Variants in CNNM2 observed in about 807,000 individuals in gnomAD.
CNNM2 encodes the protein cyclin and CBS domain divalent metal cation transport mediator 2.
Under a neutral mutation model 66.9 loss-of-function variants are expected in CNNM2, and 12 were observed. The observed-to-expected ratio is 0.18, with a 90% CI of 0.11 to 0.29. CNNM2 has a LOEUF of 0.29. CNNM2 is among the 10% of genes least tolerant of loss of function. The pLI, the probability that CNNM2 is intolerant of heterozygous loss-of-function variation, is 1.00. For synonymous variants in CNNM2, 557 were observed against 501.8 expected (o/e 1.11, Z -1.47); for missense variants, 705 against 1,167.7 (o/e 0.60, Z 5.77).
intron 1 of CNNM2, among the ~76,000 whole-genome samples, chr10:103,036,029 T>C (rs1257555687): frequency 6.6e-6 from 1 of 152,196 alleles, no homozygotes; most frequent in African/African-American, 2.4e-5. Flanking sequence ...CTTAGTTTAA[T>C]CCTAGTTTTC....
intron 1 of CNNM2, among the ~76,000 whole-genome samples, chr10:103,002,144 G>A (rs2064134121): frequency 6.6e-6 from 1 of 152,168 alleles, no homozygotes; most frequent in Admixed American, 6.5e-5. Context: ...GGACATCACA[G>A]TTAAAAATTT....
At chr10:102,996,574 G>A (rs1389913173) in intron 1 of CNNM2, among the ~76,000 whole-genome samples, 2 of 152,146 alleles carry the variant, frequency 1.3e-5, no homozygotes, top group Non-Finnish European at 1.5e-5. Flanking sequence ...GCATGGTGGC[G>A]CATGCCTGTA....
At chr10:103,020,077 T>C (rs1380324417) in intron 1 of CNNM2, among the ~76,000 whole-genome samples, 1 of 152,204 alleles carries the variant, frequency 6.6e-6, no homozygotes, top group Non-Finnish European at 1.5e-5. Flanking sequence ...TTCAACTCTT[T>C]CATAGCAATT....
Position 103,077,156 on chromosome 10 carries a change from C to T in CNNM2, c.2604C>T (p.Ser868=). 5 of 1,613,520 alleles carry T rather than the reference C, an allele frequency of 3.1e-6. No homozygotes were observed. Among genetic ancestry groups the T allele is most frequent in the Non-Finnish European group, 4.2e-6 (5 of 1,179,902 alleles). ...NCVTHSKANH[S]LHNEGAI The stretch of plus-strand genomic sequence containing the variant: ...TGACGCACAGTAAGGCCAACCACAG[C>T]CTGCACAACGAAGGCGCCATCTAGG... Residue 868 remains serine (S), a synonymous_variant, in exon 8 of 8, where the codon AGC becomes AGT. Coordinates refer to ENST00000369878, the MANE Select transcript of CNNM2 (RefSeq NM_017649.5).
At chr10:102,921,298 A>G (rs1029161154) in intron 1 of CNNM2, among the ~76,000 whole-genome samples, 1 of 152,192 alleles carries the variant, frequency 6.6e-6, no homozygotes, top group Non-Finnish European at 1.5e-5. Flanking sequence ...CCCTTCTTCA[A>G]ATAGAATTTT....
chr10:102,933,978 T>A (rs2134169648), intron 1 of CNNM2, among the ~76,000 whole-genome samples: 1 of 150,852 alleles, frequency 6.6e-6, no homozygotes, highest in South Asian at 2.1e-4. Context: ...GGACTATAGG[T>A]TCCTGCCACT....
intron 1 of CNNM2, among the ~76,000 whole-genome samples, chr10:102,984,375 G>A (rs997122430): frequency 5.3e-5 from 8 of 152,188 alleles, no homozygotes; most frequent in Admixed American, 3.9e-4. Flanking sequence ...GCCAATTAAA[G>A]CTGGAGTAAG....
intron 4 of CNNM2, among the ~76,000 whole-genome samples, chr10:103,059,031 T>C (rs1457247205): frequency 1.3e-5 from 2 of 152,224 alleles, no homozygotes; most frequent in Non-Finnish European, 1.5e-5. Context: ...TAGAGTGCAG[T>C]GGTGTGATCT....
intron 2 of CNNM2, among the ~76,000 whole-genome samples, chr10:103,053,338 G>C (rs930050735): frequency 6.6e-6 from 1 of 152,078 alleles, no homozygotes; most frequent in Non-Finnish European, 1.5e-5. Flanking sequence ...AACATAGTGA[G>C]ACTCTGTCTC....
intron 6 of CNNM2, among the ~76,000 whole-genome samples, chr10:103,073,897 A>C (rs75453750): frequency 3.3e-5 from 5 of 149,558 alleles, no homozygotes; most frequent in Non-Finnish European, 7.4e-5. Flanking sequence ...AAAAAAAAGA[A>C]TAGAAAATGC....
chr10:103,008,565 G>A (rs544287597), intron 1 of CNNM2, among the ~76,000 whole-genome samples: 1 of 152,116 alleles, frequency 6.6e-6, no homozygotes, highest in Non-Finnish European at 1.5e-5. Context: ...GATCACTTGA[G>A]GTCAGGAATT....
intron 6 of CNNM2, 59 bp downstream of exon 6, chr10:103,071,898 C>T (rs940661966): frequency 3.2e-5 from 47 of 1,480,292 alleles, no homozygotes; most frequent in Non-Finnish European, 3.7e-5. Context: ...CCCCCCATCA[C>T]GCCTGGCTGG....
chr10:103,007,861 T>G (rs1040321284), intron 1 of CNNM2, among the ~76,000 whole-genome samples: 2 of 152,172 alleles, frequency 1.3e-5, no homozygotes, highest in Non-Finnish European at 2.9e-5. Flanking sequence ...ATTAAGAGAT[T>G]AAAATAAGAC....
Position 103,083,646 on chromosome 10 carries a change from T to C in CNNM2, c.*6466T>C, listed in dbSNP as rs925148874. On this transcript the variant is annotated 3_prime_UTR_variant, in exon 8 of 8. Coordinates refer to ENST00000369878, the MANE Select transcript of CNNM2 (RefSeq NM_017649.5). ...ATCCTAGGGGGAAGGTGTCCTTCTTTGCAAGGATTATAATCTGTTCTCCAT... is the reference window on the plus strand; with the variant it reads ...ATCCTAGGGGGAAGGTGTCCTTCTTCGCAAGGATTATAATCTGTTCTCCAT... The C allele has an allele frequency of 2.6e-5, 4 of 152,260 alleles. No individual in the cohort carries two copies. Among genetic ancestry groups the C allele is most frequent in the Admixed American group, 1.3e-4 (2 of 15,280 alleles). 9.4% of individuals were successfully genotyped at this position (152,260 alleles called of 1,614,324 possible). A position where few individuals can be genotyped will look rare whatever the true frequency, so the allele number is the denominator to read the frequency against.
chr10:102,931,606 C>G (rs1846067716), intron 1 of CNNM2, among the ~76,000 whole-genome samples: 1 of 152,120 alleles, frequency 6.6e-6, no homozygotes, highest in Middle Eastern at 3.2e-3. Context: ...ATCCATCCGC[C>G]TTGGCCTCCC....
chr10:102,942,075 C>T (rs558164518), intron 1 of CNNM2, among the ~76,000 whole-genome samples: 1 of 152,152 alleles, frequency 6.6e-6, no homozygotes, highest in African/African-American at 2.4e-5. Flanking sequence ...CCTAGTAGCT[C>T]CACTTCCAGA....
chr10:102,942,251 T>C (rs1846460220), intron 1 of CNNM2, among the ~76,000 whole-genome samples: 2 of 152,362 alleles, frequency 1.3e-5, no homozygotes. Flanking sequence ...ATTCACATGG[T>C]GTGCCACCAT....
In CNNM2 at chr10:102,962,690, CTGTGTGTGTG is replaced by C. The variant is rs10580172; in HGVS notation, c.1621+42621_1621+42630del. Among the ~76,000 whole-genome samples, 1,007 of 143,882 alleles carry C rather than the reference CTGTGTGTGTG, an allele frequency of 7.0e-3. 10 individuals carry two copies. Among genetic ancestry groups the C allele is most frequent in the African/African-American group, 0.021 (792 of 38,486 alleles). The allele number at this position is 143,882 out of a possible 152,430, so 94.4% of individuals were successfully genotyped here. On this transcript the variant is annotated intron_variant, in intron 1 of 7. Coordinates refer to ENST00000369878, the MANE Select transcript of CNNM2 (RefSeq NM_017649.5). ...GGGAGAATTCTCACAATATGATATA[CTGTGTGTGTG>C]TGTGTGTGTGTGTGTGTGTGTGTGT...
At chr10:103,016,879 G>C (rs1218871112) in intron 1 of CNNM2, among the ~76,000 whole-genome samples, 1 of 151,642 alleles carries the variant, frequency 6.6e-6, no homozygotes, top group African/African-American at 2.4e-5. Context: ...CCTGTTGTTT[G>C]TTTCTTCCTT....
Sources: gnomAD v4.1 joint callset for allele counts (sites outside exome capture counted in the v4.1 genomes callset) on GRCh38, gnomAD v4.1.1 for gene constraint, MANE v1.5 for transcripts, NCBI Gene and HGNC (gene_info 2026-07-23, HGNC 2026-07-21) for gene names.